Variants in BCL7C observed in about 807,000 individuals in gnomAD.
The protein encoded by BCL7C is B-cell CLL/lymphoma 7 protein family member C.
BCL7C carries 8 observed loss-of-function variants against 26.2 expected under a neutral mutation model. That is an observed-to-expected ratio of 0.30 (90% CI 0.18 to 0.55). The LOEUF (loss-of-function observed/expected upper bound fraction) is 0.55. Among genes scored for constraint, BCL7C ranks in the 20% least tolerant of loss-of-function variants. The pLI is 0.93. For missense variants in BCL7C, 262 were observed against 298.5 expected (o/e 0.88, Z 0.90); for synonymous variants, 90 against 116.5 (o/e 0.77, Z 1.47).
chr16:30,849,186 CAA>C (rs79172299), intron 5 of BCL7C, among the ~76,000 whole-genome samples: 8 of 124,824 alleles, frequency 6.4e-5, no homozygotes, highest in Admixed American at 1.6e-4. Context: ...GACTCCGTCT[CAA>C]AAAAAAAAAA....
rs1040946251 is a variant in BCL7C, at chr16:30,868,120, A to T, written c.528+20740T>A. On this transcript the variant is annotated intron_variant, in intron 5 of 5. Coordinates refer to the BCL7C transcript ENST00000380317. ...AGACCTACGGAATTGTAATATGATA[A>T]ATCTGTGGGTTTTTTTTTTTTTTTT... 2.9e-5 allele frequency among the ~76,000 whole-genome samples: 4 copies of T among 138,150 alleles called. No individual in the cohort carries two copies. In the Admixed American group the frequency reaches 3.3e-4, roughly 11 times the overall value. 90.6% of individuals were successfully genotyped at this position (138,150 alleles called of 152,430 possible).
intron 5 of BCL7C, among the ~76,000 whole-genome samples, chr16:30,872,474 T>TCA (rs2054890231): frequency 6.6e-6 from 1 of 152,164 alleles, no homozygotes. Flanking sequence ...GCACGCACGT[T>TCA]CACACACACC....
At chr16:30,885,934 C>G (rs143421946), downstream of BCL7C, among the ~76,000 whole-genome samples, 90 of 152,308 alleles carry the variant, frequency 5.9e-4, no homozygotes, top group South Asian at 1.2e-3. Context: ...TCACTGCAGC[C>G]TCAACTTCCC....
chr16:30,861,883 A>C (rs1331020503), intron 5 of BCL7C, among the ~76,000 whole-genome samples: 1 of 54,478 alleles, frequency 1.8e-5, no homozygotes, highest in Non-Finnish European at 3.4e-5. Flanking sequence ...TTTTTTTTTG[A>C]GACGGAGTTT....
intron 5 of BCL7C, among the ~76,000 whole-genome samples, chr16:30,841,815 C>T (rs966058254): frequency 2.6e-5 from 4 of 151,848 alleles, no homozygotes; most frequent in Non-Finnish European, 5.9e-5. Context: ...ATTAGCCAGG[C>T]GTGGTGGTGG....
In BCL7C at chr16:30,834,890, T is replaced by A. The variant is rs2054560093; in HGVS notation, c.*58A>T. 4 of 1,432,394 alleles carry A rather than the reference T, an allele frequency of 2.8e-6. No homozygotes were observed. 88.7% of individuals were successfully genotyped at this position (1,432,394 alleles called of 1,614,324 possible). A position where few individuals can be genotyped will look rare whatever the true frequency, so the allele number is the denominator to read the frequency against. On this transcript the variant is annotated 3_prime_UTR_variant, in exon 6 of 6. Transcript: ENST00000380317. The surrounding 1 kb of genome is among the most constrained non-coding windows in gnomAD (Gnocchi z 4.3). ...CCGCCCTCGGGGCACAGGTAGTGGC[T>A]GGATCTTGGGGCAGCCAAGGGAGGC...
rs1424600431 is a variant in BCL7C at position 30,858,467 on chromosome 16, C to T, written c.529-23319G>A. Among the ~76,000 whole-genome samples, 6 of 152,168 alleles carry T rather than the reference C, an allele frequency of 3.9e-5. No individual in the cohort carries two copies. In the East Asian group the frequency reaches 1.2e-3, roughly 29 times the overall value. ...TAAGTTTATGCTTATTCCTAGGGAC[C>T]CAAAACGCCAGTGTGCTCCACCAGT... On this transcript the variant is annotated intron_variant, in intron 5 of 5. Coordinates refer to the BCL7C transcript ENST00000380317.
intron 5 of BCL7C, chr16:30,851,536 G>C (rs373559661): frequency 7.0e-6 from 2 of 284,600 alleles, no homozygotes; most frequent in Non-Finnish European, 1.3e-5. Flanking sequence ...CACCGCACCC[G>C]GCCTCAATAT....
chr16:30,840,916 C>T (rs2054598059), intron 5 of BCL7C, among the ~76,000 whole-genome samples: 1 of 152,162 alleles, frequency 6.6e-6, no homozygotes, highest in Non-Finnish European at 1.5e-5. Flanking sequence ...CTGGGTTCCT[C>T]CCATGACACG....
intron 5 of BCL7C, among the ~76,000 whole-genome samples, chr16:30,881,130 C>G (rs1054361340): frequency 9.2e-5 from 14 of 152,130 alleles, no homozygotes; most frequent in African/African-American, 2.4e-5. Flanking sequence ...GGTGCCGTGG[C>G]TCATGCCTGT....
intron 4 of BCL7C, among the ~76,000 whole-genome samples, chr16:30,891,735 C>T (rs1484220764): frequency 6.6e-6 from 1 of 151,740 alleles, no homozygotes; most frequent in Non-Finnish European, 1.5e-5. Context: ...GAGGCTGAGA[C>T]AGGAGGATCA....
intron 5 of BCL7C, among the ~76,000 whole-genome samples, chr16:30,861,828 C>T (rs890195756): frequency 3.3e-5 from 5 of 151,772 alleles, no homozygotes; most frequent in African/African-American, 1.2e-4. Flanking sequence ...TTAAAACTCC[C>T]CAATTCTGGT....
intron 5 of BCL7C, among the ~76,000 whole-genome samples, chr16:30,852,623 C>T (rs909699094): frequency 3.6e-4 from 54 of 151,532 alleles, no homozygotes; most frequent in Non-Finnish European, 6.5e-4. Context: ...TCCTGAGTAG[C>T]TGGGATTACA....
At chr16:30,883,536 C>CTT (rs71149065), downstream of BCL7C, among the ~76,000 whole-genome samples, 153 of 45,460 alleles carry the variant, frequency 3.4e-3, 15 homozygotes, top group African/African-American at 0.013. Context: ...GCCAAACTGG[C>CTT]TTTTTTTTTT....
At chr16:30,886,130 A>C (rs2055130194), downstream of BCL7C, among the ~76,000 whole-genome samples, 1 of 152,110 alleles carries the variant, frequency 6.6e-6, no homozygotes, top group African/African-American at 2.4e-5. Flanking sequence ...GTGAGCCACC[A>C]CACCTAGCCT....
intron 4 of BCL7C, among the ~76,000 whole-genome samples, chr16:30,890,348 C>T (rs532393727): frequency 5.9e-5 from 9 of 151,262 alleles, no homozygotes; most frequent in East Asian, 3.9e-4. Context: ...TGAGCAAGAT[C>T]GTGCCACTGC....
At chr16:30,867,494 G>A (rs1369768710) in intron 5 of BCL7C, among the ~76,000 whole-genome samples, 1 of 152,044 alleles carries the variant, frequency 6.6e-6, no homozygotes, top group African/African-American at 2.4e-5. Flanking sequence ...TATCCAGGGG[G>A]GCACAATGTA....
intron 5 of BCL7C, among the ~76,000 whole-genome samples, chr16:30,874,950 G>C (rs943533385): frequency 1.3e-5 from 2 of 152,200 alleles, no homozygotes; most frequent in African/African-American, 2.4e-5. Flanking sequence ...ACTGGAGACC[G>C]GGAATGGCTC....
intron 5 of BCL7C, among the ~76,000 whole-genome samples, chr16:30,838,570 G>A (rs2054583105): frequency 6.6e-6 from 1 of 152,186 alleles, no homozygotes; most frequent in African/African-American, 2.4e-5. Flanking sequence ...GTCACTTGAG[G>A]TCAGGAGTTT....
Sources: gnomAD v4.1 joint callset for allele counts (sites outside exome capture counted in the v4.1 genomes callset) on GRCh38, gnomAD v4.1.1 for gene constraint, Gnocchi (gnomAD v3.1) non-coding constraint, MANE v1.5 for transcripts, NCBI Gene and HGNC (gene_info 2026-07-23, HGNC 2026-07-21) for gene names.